PDE6C: variants seen among roughly 807,000 people sequenced by gnomAD.
PDE6C encodes cone cGMP-specific 3',5'-cyclic phosphodiesterase subunit alpha'.
In PDE6C, 75 loss-of-function variants were observed where a neutral mutation model predicts 113.1. That is an observed-to-expected ratio of 0.66 (90% CI 0.55 to 0.80). The LOEUF (loss-of-function observed/expected upper bound fraction) is 0.80. Among genes scored for constraint, PDE6C ranks in the 30% least tolerant of loss-of-function variants. The pLI, the probability that PDE6C is intolerant of heterozygous loss-of-function variation, is 0.00. For synonymous variants in PDE6C, 375 were observed against 363.7 expected (o/e 1.03, Z -0.35); for missense variants, 912 against 1,038.6 (o/e 0.88, Z 1.67).
chr10:93,622,227 A>C (rs563951542), intron 4 of PDE6C, among the ~76,000 whole-genome samples, 155 bp downstream of exon 4: 1 of 152,304 alleles, frequency 6.6e-6, no homozygotes, highest in African/African-American at 2.4e-5. Flanking sequence ...TGGAGCAAAA[A>C]AGATGTAGGC....
chr10:93,612,755 G>C lies in PDE6C; in HGVS notation c.30G>C (p.Glu10Asp). 1 of 1,614,122 alleles carries C rather than the reference G, an allele frequency of 6.2e-7. No homozygotes were observed. The highest frequency in any genetic ancestry group is 8.5e-7 in the Non-Finnish European group (1 of 1,180,046). MGEINQVAVEKYLEENPQFA... is the reference protein window; with the variant it reads MGEINQVAVDKYLEENPQFA... ...GTGAGATCAACCAAGTTGCCGTGGA[G>C]AAATACCTGGAGGAGAACCCTCAGT... The change falls in exon 1 of 22, where the codon GAG becomes GAC. Residue 10 changes from glutamate to aspartate, a missense_variant. Transcript: ENST00000371447.
rs770784784 is a variant in PDE6C at position 93,622,029 on chromosome 10, G to A, written c.821G>A (p.Cys274Tyr). The A allele has an allele frequency of 1.2e-6, 2 of 1,613,894 alleles. No homozygotes were observed. Among genetic ancestry groups the A allele is most frequent in the East Asian group, 2.2e-5 (1 of 44,894 alleles). The stretch of plus-strand genomic sequence containing the variant: ...TACACGGTTAGATCATATCTGAACT[G>A]TGAACGATACTCCATTGGACTGCTG... Reference protein sequence around the residue: ...ALYTVRSYLNCERYSIGLLDM... With the variant: ...ALYTVRSYLNYERYSIGLLDM... The change falls in exon 4 of 22, where the codon TGT (cysteine) becomes TAT (tyrosine). Residue 274 changes from cysteine to tyrosine, a missense_variant. By Grantham distance (194) the Cys-to-Tyr change is radical. Transcript: ENST00000371447.
intron 11 of PDE6C, 139 bp downstream of exon 11, chr10:93,637,202 G>C (rs1409643668): frequency 1.5e-6 from 1 of 648,772 alleles, no homozygotes; most frequent in South Asian, 1.8e-5. Flanking sequence ...TAAAAAGAAA[G>C]AATTCTTCTA....
rs1564797317 is a variant in PDE6C at position 93,625,621 on chromosome 10, A to C, written c.911A>C (p.Tyr304Ser). 1.2e-6 allele frequency: 2 copies of C among 1,613,584 alleles called. No homozygotes were observed. The highest frequency in any genetic ancestry group is 1.7e-5 in the Admixed American group (1 of 60,028). Reference protein sequence around the residue: ...WPIKLGEVEPYKGPKTPDGRE... With the variant: ...WPIKLGEVEPSKGPKTPDGRE... ...ATCAAGCTTGGAGAAGTAGAGCCTT[A>C]TAAAGGTCCAAAGACACCTGATGGC... The change falls in exon 5 of 22, where the codon TAT becomes TCT. Residue 304 changes from tyrosine to serine, a missense_variant. By Grantham distance (144) the Tyr-to-Ser change is moderately radical. Coordinates refer to ENST00000371447, the MANE Select transcript of PDE6C (RefSeq NM_006204.4).
intron 4 of PDE6C, 137 bp downstream of exon 4, chr10:93,622,209 G>T (rs2058450012): frequency 2.1e-6 from 2 of 950,950 alleles, no homozygotes; most frequent in Admixed American, 1.9e-5. Flanking sequence ...AGGTAAAAGT[G>T]TGTGTCTTGG....
intron 15 of PDE6C, among the ~76,000 whole-genome samples, chr10:93,654,749 A>ATT (rs1554891542): frequency 2.4e-5 from 3 of 125,364 alleles, no homozygotes; most frequent in African/African-American, 5.9e-5. Flanking sequence ...TTATATACTC[A>ATT]TTTTCTTTCT....
At chr10:93,652,501 T>C (rs565988096) in intron 15 of PDE6C, among the ~76,000 whole-genome samples, 6 of 152,350 alleles carry the variant, frequency 3.9e-5, no homozygotes, top group Admixed American at 1.3e-4. Context: ...TGTAGTGCTA[T>C]ATGCAAAAGA....
intron 18 of PDE6C, among the ~76,000 whole-genome samples, chr10:93,661,579 G>A (rs942166384): frequency 6.6e-6 from 1 of 152,134 alleles, no homozygotes; most frequent in Admixed American, 6.6e-5. Flanking sequence ...CAGCTAGCAG[G>A]TGTTCAATGA....
At chr10:93,626,898 T>C in intron 7 of PDE6C, 27 bp downstream of exon 7, 1 of 1,562,974 alleles carries the variant, frequency 6.4e-7, no homozygotes, top group East Asian at 2.2e-5. Context: ...ATTCAAATTT[T>C]AAATAATATT....
rs982169285 is a variant in PDE6C, at chr10:93,641,141, G to A, written c.1847+112G>A. 1.0e-5 allele frequency: 7 copies of A among 700,634 alleles called. No individual in the cohort carries two copies. In the African/African-American group the frequency reaches 1.1e-4, roughly 11 times the overall value. The allele number at this position is 700,634 out of a possible 1,614,324, so 43.4% of individuals were successfully genotyped here. On this transcript the variant is annotated intron_variant, in intron 14 of 21. Coordinates refer to ENST00000371447, the MANE Select transcript of PDE6C (RefSeq NM_006204.4). ...GGCCCAGTCAATGCCTCTTTGCCAT[G>A]TTGGAAATTCCAGGGCTGGATTCTA...
intron 4 of PDE6C, 99 bp downstream of exon 4, chr10:93,622,171 A>T (rs1477049088): frequency 8.4e-7 from 1 of 1,185,546 alleles, no homozygotes; most frequent in African/African-American, 1.5e-5. Flanking sequence ...CTATGTAAAT[A>T]ATTAGTCATG....
rs1589693436 is a variant in PDE6C, at chr10:93,621,978, T to C, written c.770T>C (p.Val257Ala). The change falls in exon 4 of 22, where the codon GTT becomes GCT. Residue 257 changes from valine to alanine, a missense_variant. By Grantham distance (64) the Val-to-Ala change is moderately conservative (BLOSUM62 0). Transcript: ENST00000371447. ...AAAGTATTTGAAGAACTCACAGATG[T>C]TGAGCGACAGTTTCACAAAGCGCTC... ...ANKVFEELTD[V>A]ERQFHKALYT... The C allele has an allele frequency of 6.2e-7, 1 of 1,614,094 alleles. No individual in the cohort carries two copies. Among genetic ancestry groups the C allele is most frequent in the Non-Finnish European group, 8.5e-7 (1 of 1,179,978 alleles).
At position 93,620,522 on chromosome 10, in the gene PDE6C, G is replaced by T. The variant is rs112376102; in HGVS notation, c.481-110G>T. ...CTGGGGACCACTGTACTGGAGCCCT[G>T]GTTATCTGTTGGTAGCATTTAAATG... On this transcript the variant is annotated intron_variant, in intron 1 of 21. Transcript: ENST00000371447. The T allele has an allele frequency of 7.9e-5, 88 of 1,112,644 alleles. No individual in the cohort carries two copies. The African/African-American group carries it at 1.1e-3, about 14-fold the overall frequency. 68.9% of individuals were successfully genotyped at this position (1,112,644 alleles called of 1,614,324 possible). A position where few individuals can be genotyped will look rare whatever the true frequency, so the allele number is the denominator to read the frequency against.
chr10:93,630,139 C>T (rs1318098850), intron 8 of PDE6C, among the ~76,000 whole-genome samples: 1 of 152,124 alleles, frequency 6.6e-6, no homozygotes, highest in Non-Finnish European at 1.5e-5. Context: ...AGAGCTTCTC[C>T]TGCTGTTAGA....
chr10:93,647,892 A>T (rs1375930171), intron 15 of PDE6C, among the ~76,000 whole-genome samples: 2 of 152,224 alleles, frequency 1.3e-5, no homozygotes, highest in Non-Finnish European at 2.9e-5. Context: ...GTAAGAGTAA[A>T]TTGTTATTAC....
rs201866070 is a variant in PDE6C at position 93,662,053 on chromosome 10, T to C, written c.2209-6T>C. ...ATTTAGTGAACCAAGCCTTTCTCAT[T>C]TGCAGGTAGCACTTATGGTTGCAAA... On this transcript the variant is annotated splice_polypyrimidine_tract_variant and splice_region_variant and intron_variant, in intron 18 of 21. Transcript: ENST00000371447. The C allele has an allele frequency of 1.7e-4, 262 of 1,585,468 alleles. No homozygotes were observed. The highest frequency in any genetic ancestry group is 2.1e-4 in the Non-Finnish European group (241 of 1,153,996).
chr10:93,613,198 T>A lies in PDE6C; in HGVS notation c.473T>A (p.Val158Glu). The change falls in exon 1 of 22, where the codon GTG becomes GAG. Residue 158 changes from valine to glutamate, a missense_variant. By Grantham distance (121) the Val-to-Glu change is moderately radical. Coordinates refer to ENST00000371447, the MANE Select transcript of PDE6C (RefSeq NM_006204.4). ...AAGAAAACTCATAATGTCCCAGATG[T>A]GAAAAAGGTAGGTGGCCTTATGACA... ...HTKKTHNVPDVKKNSHFSDFM... is the reference protein window; with the variant it reads ...HTKKTHNVPDEKKNSHFSDFM... 1 of 1,613,486 alleles carries A rather than the reference T, an allele frequency of 6.2e-7. No individual in the cohort carries two copies.
chr10:93,664,803 T>C (rs916743579), intron 21 of PDE6C, among the ~76,000 whole-genome samples: 3 of 152,216 alleles, frequency 2.0e-5, no homozygotes, highest in African/African-American at 7.2e-5. Context: ...CCAGACTGCA[T>C]TGTCTCAGTG....
At chr10:93,658,541 C>T (rs2133876977) in intron 16 of PDE6C, among the ~76,000 whole-genome samples, 1 of 152,204 alleles carries the variant, frequency 6.6e-6, no homozygotes, top group Admixed American at 6.5e-5. Context: ...AAACTCCCGG[C>T]TTCAAGCAAT....
Sources: allele counts gnomAD v4.1 joint callset (sites outside exome capture counted in the v4.1 genomes callset), GRCh38; gene constraint gnomAD v4.1.1; transcripts MANE v1.5; gene names NCBI Gene and HGNC (gene_info 2026-07-23, HGNC 2026-07-21).